The following KIDINS220 variants were observed in gnomAD, a reference collection of about 807,000 sequenced individuals.
The protein encoded by KIDINS220 is kinase D-interacting substrate of 220 kDa.
A neutral mutation model predicts 157.6 loss-of-function variants in KIDINS220; 63 were observed. That is an observed-to-expected ratio of 0.40 (90% CI 0.33 to 0.49). The LOEUF (loss-of-function observed/expected upper bound fraction) is 0.49, where lower values mean the gene tolerates loss of function less well. Ranked by LOEUF, KIDINS220 falls within the 20% of genes least tolerant of loss-of-function variation. The pLI, the probability that KIDINS220 is intolerant of heterozygous loss-of-function variation, is 0.66. For synonymous variants in KIDINS220, 732 were observed against 783.6 expected, an observed-to-expected ratio of 0.93 and a Z score of 1.10; for missense variants, 1,772 against 2,171.2, an observed-to-expected ratio of 0.82 and a Z score of 3.65.
rs755553864 is a variant in KIDINS220, at chr2:8,731,573, C to A, written c.4463G>T (p.Ser1488Ile). 1.2e-6 allele frequency: 2 copies of A among 1,614,134 alleles called. No individual in the cohort carries two copies. Among genetic ancestry groups the A allele is most frequent in the South Asian group, 1.1e-5 (1 of 91,082 alleles). ...AGATTTCTTGCCTGGGAGAAGCTTA[C>A]TGCCTGACTGATCTGATTTTTCATC... ...EEDEKSDQSG[S>I]KLLPGKKSSE... The change falls in exon 30 of 30, where the codon AGT (serine) becomes ATT (isoleucine). Residue 1488 changes from serine (S) to isoleucine (I), a missense_variant. Ser to Ile is a moderately radical substitution (Grantham distance 142). Transcript: ENST00000256707. This position sits in a 1 kb window ranked among gnomAD's most constrained non-coding sequence, Gnocchi z 5.2.
At chr2:8,763,700 GACA>G (rs1298720052) in intron 22 of KIDINS220, among the ~76,000 whole-genome samples, 9 of 152,136 alleles carry the variant, frequency 5.9e-5, no homozygotes, top group Non-Finnish European at 8.8e-5. Flanking sequence ...AAACAATTCT[GACA>G]ACAAGTCTCT....
downstream of KIDINS220, among the ~76,000 whole-genome samples, chr2:8,725,928 G>A (rs1663259328): frequency 6.6e-6 from 1 of 152,136 alleles, no homozygotes; most frequent in African/African-American, 2.4e-5. Flanking sequence ...ACTACAAAAA[G>A]CATTTAACCT....
intron 3 of KIDINS220, among the ~76,000 whole-genome samples, chr2:8,817,980 T>G (rs1206213634): frequency 6.6e-6 from 1 of 152,140 alleles, no homozygotes; most frequent in East Asian, 1.9e-4. Flanking sequence ...CTGCGCTTTT[T>G]AAAAACGAGA....
chr2:8,771,771 C>T (rs996828004), intron 21 of KIDINS220, among the ~76,000 whole-genome samples: 5 of 152,096 alleles, frequency 3.3e-5, no homozygotes, highest in Non-Finnish European at 7.4e-5. Flanking sequence ...GCCCTCACTT[C>T]CTCAGCAAAT....
intron 22 of KIDINS220, chr2:8,757,644 T>C: frequency 6.2e-7 from 1 of 1,610,976 alleles, no homozygotes; most frequent in Non-Finnish European, 8.5e-7. Context: ...TGTGCATCTC[T>C]GAGGGAGTCA....
At chr2:8,766,491 T>C (rs955879381) in intron 22 of KIDINS220, among the ~76,000 whole-genome samples, 1 of 152,202 alleles carries the variant, frequency 6.6e-6, no homozygotes, top group African/African-American at 2.4e-5. Flanking sequence ...ATGCTAATTA[T>C]GTATTATATA....
At chr2:8,774,263 T>G (rs1572599755) in intron 21 of KIDINS220, among the ~76,000 whole-genome samples, 1 of 140,116 alleles carries the variant, frequency 7.1e-6, no homozygotes, top group African/African-American at 2.7e-5. Flanking sequence ...GCCACTGCAC[T>G]CCAGCCTGGG....
intron 7 of KIDINS220, 88 bp downstream of exon 7, chr2:8,806,183 C>A: frequency 1.1e-6 from 1 of 916,546 alleles, no homozygotes; most frequent in Non-Finnish European, 1.7e-6. Flanking sequence ...AGGGAAATTT[C>A]TCTAGGCATA....
At chr2:8,805,611 T>C (rs1216529998) in intron 7 of KIDINS220, among the ~76,000 whole-genome samples, 1 of 152,134 alleles carries the variant, frequency 6.6e-6, no homozygotes, top group Non-Finnish European at 1.5e-5. Flanking sequence ...TGTAGTCACT[T>C]ATGAAATTAC....
intron 21 of KIDINS220, among the ~76,000 whole-genome samples, chr2:8,773,159 C>A (rs936885303): frequency 6.6e-6 from 1 of 152,124 alleles, no homozygotes; most frequent in Non-Finnish European, 1.5e-5. Context: ...AGAAATTTTT[C>A]ATAGGCAGAG....
intron 22 of KIDINS220, among the ~76,000 whole-genome samples, chr2:8,764,389 T>C (rs1669166695): frequency 6.6e-6 from 1 of 152,082 alleles, no homozygotes; most frequent in South Asian, 2.1e-4. Flanking sequence ...CCAAAAGCTA[T>C]TGAAATAAAA....
At position 8,814,804 on chromosome 2, in the gene KIDINS220, C is replaced by T. The variant is rs561614131; in HGVS notation, c.307-1469G>A. On this transcript the variant is annotated intron_variant, in intron 4 of 29. Transcript: ENST00000256707. ...AATCAAGAGATGAAGGCTGACATCA[C>T]CAGTGATACAAACTGAAATCACGTT... is the stretch of plus-strand genomic sequence containing the variant. 5.3e-5 allele frequency among the ~76,000 whole-genome samples: 8 copies of T among 152,320 alleles called. 1 individual carries two copies. Among genetic ancestry groups the T allele is most frequent in the African/African-American group, 1.9e-4 (8 of 41,572 alleles).
At chr2:8,736,398 G>A (rs1664863114) in intron 27 of KIDINS220, among the ~76,000 whole-genome samples, 1 of 152,174 alleles carries the variant, frequency 6.6e-6, no homozygotes, top group Non-Finnish European at 1.5e-5. Context: ...TTCATCAAAT[G>A]TGACATGATC....
chr2:8,755,036 A>G (rs889207695), intron 22 of KIDINS220, among the ~76,000 whole-genome samples: 3 of 152,228 alleles, frequency 2.0e-5, no homozygotes, highest in Non-Finnish European at 4.4e-5. Context: ...TGAACAGAAC[A>G]CTTTGGAGAT....
At chr2:8,814,270 T>C (rs1481678874) in intron 4 of KIDINS220, among the ~76,000 whole-genome samples, 1 of 152,122 alleles carries the variant, frequency 6.6e-6, no homozygotes, top group Non-Finnish European at 1.5e-5. Context: ...TGTAATCAAA[T>C]CTTACTAAGG....
intron 17 of KIDINS220, among the ~76,000 whole-genome samples, chr2:8,783,197 CA>C (rs60911954): frequency 2.1e-4 from 28 of 135,020 alleles, no homozygotes; most frequent in African/African-American, 3.4e-4. Context: ...AACTCCGTCT[CA>C]AAAAAAAAAA....
intron 22 of KIDINS220, among the ~76,000 whole-genome samples, chr2:8,752,016 T>G (rs932772920): frequency 6.6e-6 from 1 of 152,116 alleles, no homozygotes; most frequent in Non-Finnish European, 1.5e-5. Flanking sequence ...AAAAATCTAT[T>G]TTTAATTTTT....
rs577458411 is a variant in KIDINS220, at chr2:8,748,733, T to C, written c.3415-733A>G. Among the ~76,000 whole-genome samples the C allele has an allele frequency of 4.6e-5, 7 of 152,360 alleles. 1 individual carries two copies. The highest frequency in any genetic ancestry group is 1.7e-4 in the African/African-American group (7 of 41,594). On this transcript the variant is annotated intron_variant, in intron 24 of 29. Transcript: ENST00000256707. The stretch of plus-strand genomic sequence containing the variant: ...TACTCCTGCCAGCTTAGAGGAATTA[T>C]TCTGCTTTTAACACTAAAAAATCTC...
intron 15 of KIDINS220, among the ~76,000 whole-genome samples, chr2:8,788,213 G>A (rs1299873642): frequency 6.6e-6 from 1 of 151,812 alleles, no homozygotes; most frequent in Non-Finnish European, 1.5e-5. Flanking sequence ...TTTTATTTCT[G>A]TATGTAAAAG....
Sources: gnomAD v4.1 joint callset for allele counts (sites outside exome capture counted in the v4.1 genomes callset) on GRCh38, gnomAD v4.1.1 for gene constraint, Gnocchi (gnomAD v3.1) non-coding constraint, MANE v1.5 for transcripts, NCBI Gene and HGNC (gene_info 2026-07-23, HGNC 2026-07-21) for gene names.